TENT4A: variants seen among roughly 807,000 people sequenced by gnomAD.
TENT4A encodes the protein DNA polymerase kappa.
TENT4A carries 7 observed loss-of-function variants against 72.8 expected under a neutral mutation model. The ratio of observed to expected loss-of-function variants is 0.10; its 90% CI spans 0.05 to 0.18. TENT4A has a LOEUF of 0.18. Ranked by LOEUF, TENT4A falls within the 10% of genes least tolerant of loss-of-function variation. The probability of loss-of-function intolerance (pLI) is 1.00; values close to 1 mark genes in which losing one functional copy is unlikely to be tolerated. For missense variants in TENT4A, 831 were observed against 1,017.7 expected (o/e 0.82, Z 2.50); for synonymous variants, 456 against 434.3 (o/e 1.05, Z -0.62).
In TENT4A at chr5:6,714,248, C is replaced by G; in HGVS notation, c.265C>G (p.Leu89Val). The G allele has an allele frequency of 9.7e-7, 1 of 1,028,006 alleles. No homozygotes were observed. Among genetic ancestry groups the G allele is most frequent in the Non-Finnish European group, 1.2e-6 (1 of 860,000 alleles). The allele number at this position is 1,028,006 out of a possible 1,614,324, so 63.7% of individuals were successfully genotyped here. A position where few individuals can be genotyped will look rare whatever the true frequency, so the allele number is the denominator to read the frequency against. Residue 89 changes from leucine to valine, a missense_variant, in exon 1 of 13, where the codon CTG becomes GTG. This residue lies in a region of TENT4A where 302 missense variants were observed against 293.8 expected (regional missense o/e 1.03). Transcript: ENST00000230859. ...TAPAALPPAL[L>V]TALGPAAEGA... is the part of the protein sequence containing the mutation. ...GCCCGCCGCGCTGCCCCCCGCGCTG[C>G]TGACGGCGCTGGGGCCCGCGGCCGA...
chr5:6,721,843 T>G (rs1420870012), intron 1 of TENT4A, among the ~76,000 whole-genome samples: 2 of 152,202 alleles, frequency 1.3e-5, no homozygotes, highest in Non-Finnish European at 2.9e-5. Flanking sequence ...CCAGTTAGGC[T>G]CTCCTGTGGC....
At chr5:6,747,693 A>G (rs1387899644) in intron 7 of TENT4A, among the ~76,000 whole-genome samples, 12 of 152,172 alleles carry the variant, frequency 7.9e-5, no homozygotes, top group Admixed American at 6.5e-4. Context: ...TCAAAAAACA[A>G]AGACCCACAT....
chr5:6,741,563 A>G (rs185998669), intron 4 of TENT4A, among the ~76,000 whole-genome samples: 1 of 152,326 alleles, frequency 6.6e-6, no homozygotes, highest in African/African-American at 2.4e-5. Flanking sequence ...TCTTTGGGAA[A>G]GTATTTCTTT....
chr5:6,716,855 C>T (rs559504733), intron 1 of TENT4A, among the ~76,000 whole-genome samples: 1 of 152,346 alleles, frequency 6.6e-6, no homozygotes, highest in African/African-American at 2.4e-5. Context: ...TTCCCCTTTG[C>T]TGGAGACCTC....
chr5:6,748,624 G>C lies in TENT4A; in HGVS notation c.1586+34G>C, dbSNP rs767543640. 2.8e-5 allele frequency: 45 copies of C among 1,594,408 alleles called. 1 individual carries two copies. The highest frequency in any genetic ancestry group is 2.5e-4 in the African/African-American group (19 of 74,582). On this transcript the variant is annotated intron_variant, in intron 8 of 12. Transcript: ENST00000230859. ...TTGTGTGTCTGCGTCTGGGCTCAGC[G>C]TGCCTGTGGGATGGTACTTATCCCT...
Position 6,713,533 on chromosome 5 carries a change from C to A in TENT4A, c.-451C>A, listed in dbSNP as rs1296931467. 1 of 148,966 alleles carries A rather than the reference C, an allele frequency of 6.7e-6. No individual in the cohort carries two copies. Among genetic ancestry groups the A allele is most frequent in the Non-Finnish European group, 1.5e-5 (1 of 66,608 alleles). 9.2% of individuals were successfully genotyped at this position (148,966 alleles called of 1,614,324 possible). On this transcript the variant is annotated 5_prime_UTR_variant, in exon 1 of 13. Transcript: ENST00000230859. ...GGCGCGAGCGTGACTGAGGGCTAGC[C>A]GCACGGGCGGCGGCGCCTCCCGCGG...
At chr5:6,742,625 G>A (rs370095162) in intron 5 of TENT4A, 28 bp downstream of exon 5, 87 of 1,331,968 alleles carry the variant, frequency 6.5e-5, no homozygotes, top group Non-Finnish European at 9.2e-5. Context: ...CCAGCGCGGC[G>A]AGAGTGCAGG....
At chr5:6,749,949 C>T (rs911664665) in intron 9 of TENT4A, among the ~76,000 whole-genome samples, 1 of 152,138 alleles carries the variant, frequency 6.6e-6, no homozygotes, top group Non-Finnish European at 1.5e-5. Flanking sequence ...AACATTTCAA[C>T]ATGTAATCAA....
intron 1 of TENT4A, 183 bp downstream of exon 1, chr5:6,714,882 G>T: frequency 3.5e-6 from 1 of 289,204 alleles, no homozygotes; most frequent in Non-Finnish European, 6.3e-6. Context: ...ATCGTGGAGT[G>T]ACTTGCCCAG....
chr5:6,734,483 C>T (rs1196785586), intron 1 of TENT4A, among the ~76,000 whole-genome samples: 3 of 152,242 alleles, frequency 2.0e-5, no homozygotes, highest in Non-Finnish European at 4.4e-5. Context: ...GGTCCCTGCT[C>T]TCCTTGAAGA....
At position 6,742,591 on chromosome 5, in the gene TENT4A, C is replaced by T; in HGVS notation, c.1110C>T (p.Tyr370=). 6.3e-7 allele frequency: 1 copy of T among 1,597,606 alleles called. No homozygotes were observed. The highest frequency in any genetic ancestry group is 8.6e-7 in the Non-Finnish European group (1 of 1,164,950). The part of the protein sequence containing the change: ...GVRAAEFIKN[Y]MKKYSLLPYL... ...GGGCAGCGGAGTTCATCAAGAATTA[C>T]ATGAAGGTACTGTGCTTGGTGACCC... Residue 370 remains tyrosine, a synonymous_variant, in exon 5 of 13, where the codon TAC becomes TAT. Transcript: ENST00000230859.
chr5:6,753,685 C>T (rs934236325), intron 12 of TENT4A, among the ~76,000 whole-genome samples: 3 of 152,210 alleles, frequency 2.0e-5, no homozygotes, highest in African/African-American at 4.8e-5. Context: ...TGCGGATGCT[C>T]GGTGCTTTCA....
intron 1 of TENT4A, among the ~76,000 whole-genome samples, chr5:6,722,380 A>G (rs1312360891): frequency 2.0e-5 from 3 of 152,132 alleles, no homozygotes; most frequent in South Asian, 4.2e-4. Context: ...TGAAAATACA[A>G]CTTCCACTTT....
At chr5:6,725,866 C>T (rs763858249) in intron 1 of TENT4A, among the ~76,000 whole-genome samples, 2 of 152,062 alleles carry the variant, frequency 1.3e-5, no homozygotes, top group African/African-American at 2.4e-5. Flanking sequence ...ATTAATTTTG[C>T]TTGAAAGGGA....
intron 1 of TENT4A, 51 bp from the exon 2 acceptor site, chr5:6,737,459 T>C: frequency 6.6e-7 from 1 of 1,507,962 alleles, no homozygotes; most frequent in Non-Finnish European, 9.0e-7. Context: ...GAACAGAAAA[T>C]GTGGTGACAT....
At chr5:6,750,274 G>A in intron 9 of TENT4A, 57 bp from the exon 10 acceptor site, 1 of 1,450,430 alleles carries the variant, frequency 6.9e-7, no homozygotes, top group Non-Finnish European at 9.3e-7. Flanking sequence ...ATGCTGCCGG[G>A]GCGGCTCCAC....
rs376632459 is a variant in TENT4A at position 6,748,082 on chromosome 5, G to A, written c.1460-382G>A. Reference sequence around the variant, plus strand: ...GTCAGATCAGCGATCACAGTGGGTCGGTGCTGCTGGTCTGCACAATGGTAG... The same window carrying A: ...GTCAGATCAGCGATCACAGTGGGTCAGTGCTGCTGGTCTGCACAATGGTAG... On this transcript the variant is annotated intron_variant, in intron 7 of 12. Transcript: ENST00000230859. Among the ~76,000 whole-genome samples, 10 of 152,204 alleles carry A rather than the reference G, an allele frequency of 6.6e-5. No individual in the cohort carries two copies. The East Asian group carries it at 7.7e-4, about 12-fold the overall frequency.
At position 6,748,436 on chromosome 5, in the gene TENT4A, A is replaced by G. The variant is rs549107773; in HGVS notation, c.1460-28A>G. ...TGTGGACGATGGTGTGCATGTGGGG[A>G]GGGTCTGACATAGCCTTTTTGCTGC... On this transcript the variant is annotated intron_variant, in intron 7 of 12. Transcript: ENST00000230859. 2.5e-6 allele frequency: 4 copies of G among 1,611,944 alleles called. No homozygotes were observed. In the South Asian group the frequency reaches 4.4e-5, roughly 18 times the overall value.
chr5:6,746,449 C>G, intron 7 of TENT4A, 22 bp downstream of exon 7: 1 of 1,610,734 alleles, frequency 6.2e-7, no homozygotes, highest in Non-Finnish European at 8.5e-7. Context: ...CTGATCTCCA[C>G]TGCTGAGAGC....
Sources: allele counts gnomAD v4.1 joint callset (sites outside exome capture counted in the v4.1 genomes callset), GRCh38; gene constraint gnomAD v4.1.1; regional missense constraint gnomAD v4.1.1; transcripts MANE v1.5; gene names NCBI Gene and HGNC (gene_info 2026-07-23, HGNC 2026-07-21).